The following PSD3 variants were observed in gnomAD, a reference collection of about 807,000 sequenced individuals.
PSD3 encodes the protein PH and SEC7 domain-containing protein 3.
In PSD3, 49 loss-of-function variants were observed where a neutral mutation model predicts 105.5. That is an observed-to-expected ratio of 0.46 (90% CI 0.37 to 0.59). The LOEUF (loss-of-function observed/expected upper bound fraction) is 0.59, where lower values mean the gene tolerates loss of function less well. Ranked by LOEUF, PSD3 falls within the 20% of genes least tolerant of loss-of-function variation. The pLI is 0.00. For synonymous variants in PSD3, 557 were observed against 457.8 expected (o/e 1.22, Z -2.77); for missense variants, 1,561 against 1,263.8 (o/e 1.24, Z -3.57).
intron 8 of PSD3, among the ~76,000 whole-genome samples, chr8:18,785,115 T>C (rs1809014449): frequency 6.6e-6 from 1 of 152,150 alleles, no homozygotes; most frequent in African/African-American, 2.4e-5. Flanking sequence ...GTGTCAGAAC[T>C]GCTGTCACTC....
chr8:18,628,650 A>G (rs1201532851), intron 11 of PSD3, among the ~76,000 whole-genome samples: 1 of 152,002 alleles, frequency 6.6e-6, no homozygotes, highest in African/African-American at 2.4e-5. Context: ...AGAACATAGA[A>G]TTAAAATATA....
At position 18,786,070 on chromosome 8, in the gene PSD3, A is replaced by T. The variant is rs549765858; in HGVS notation, c.2082+13225T>A. On this transcript the variant is annotated intron_variant, in intron 8 of 15. Coordinates refer to ENST00000327040, the MANE Select transcript of PSD3 (RefSeq NM_015310.4). ...ACGCCTATACTTAAACTTACAATAA[A>T]AAGTTTCCCTGTGGTCCCAGCTGCT... Among the ~76,000 whole-genome samples the T allele has an allele frequency of 8.9e-4, 136 of 152,216 alleles. 1 individual carries two copies. Among genetic ancestry groups the T allele is most frequent in the African/African-American group, 3.1e-3 (127 of 41,536 alleles).
At chr8:18,908,378 C>T (rs958346325) in intron 2 of PSD3, among the ~76,000 whole-genome samples, 2 of 152,166 alleles carry the variant, frequency 1.3e-5, no homozygotes, top group Non-Finnish European at 2.9e-5. Context: ...AATCTACTAT[C>T]CTCCACAACA....
At chr8:18,809,102 C>A (rs1284538546) in intron 4 of PSD3, among the ~76,000 whole-genome samples, 1 of 152,184 alleles carries the variant, frequency 6.6e-6, no homozygotes, top group Non-Finnish European at 1.5e-5. Flanking sequence ...GGGGATAACA[C>A]CCCATTTTGT....
chr8:18,838,341 C>T (rs1814307596), intron 4 of PSD3, among the ~76,000 whole-genome samples: 1 of 152,146 alleles, frequency 6.6e-6, no homozygotes, highest in Non-Finnish European at 1.5e-5. Flanking sequence ...AAACGGGTTT[C>T]CATGAAAGGA....
intron 9 of PSD3, among the ~76,000 whole-genome samples, chr8:18,748,427 A>C (rs1805198779): frequency 6.6e-6 from 1 of 152,070 alleles, no homozygotes; most frequent in Non-Finnish European, 1.5e-5. Context: ...TTGAGAGGCC[A>C]AGGCGGGCGG....
rs935414696 is a variant in PSD3, at chr8:18,767,488, C to T, written c.2083-1950G>A. 6.6e-5 allele frequency among the ~76,000 whole-genome samples: 10 copies of T among 152,206 alleles called. No homozygotes were observed. The East Asian group carries it at 1.9e-3, about 29-fold the overall frequency. ...TGTGACCGGGCACGGTGGCTCAAGC[C>T]TGTAATCCCAGCACTTTCGGAGGCC... On this transcript the variant is annotated intron_variant, in intron 8 of 15. Transcript: ENST00000327040.
intron 11 of PSD3, among the ~76,000 whole-genome samples, chr8:18,630,391 CT>C (rs1806809714): frequency 6.6e-6 from 1 of 151,930 alleles, no homozygotes; most frequent in Admixed American, 6.6e-5. Flanking sequence ...GGGAGAAGAG[CT>C]TCTACCCGGA....
intron 4 of PSD3, among the ~76,000 whole-genome samples, chr8:18,859,856 T>C (rs1116017): frequency 0.16 from 24,133 of 152,176 alleles, 2,244 homozygotes; most frequent in East Asian, 0.3. Context: ...CATTAAAACT[T>C]TCTCTATATC....
chr8:19,035,991 G>C (rs982846834), intron 1 of PSD3, among the ~76,000 whole-genome samples: 20 of 152,132 alleles, frequency 1.3e-4, no homozygotes, highest in Admixed American at 2.6e-4. Context: ...CTGGACTCAA[G>C]TGATCTGCAT....
chr8:18,917,538 A>G (rs917868398), intron 2 of PSD3, among the ~76,000 whole-genome samples: 5 of 152,154 alleles, frequency 3.3e-5, no homozygotes, highest in Non-Finnish European at 7.3e-5. Context: ...GTCCTCAAAT[A>G]ACACTGTTTT....
At chr8:18,787,234 G>A (rs1238469284) in intron 8 of PSD3, among the ~76,000 whole-genome samples, 1 of 152,128 alleles carries the variant, frequency 6.6e-6, no homozygotes, top group African/African-American at 2.4e-5. Context: ...TGAAACAAAT[G>A]TTGACCAGTT....
intron 2 of PSD3, among the ~76,000 whole-genome samples, chr8:18,895,056 C>T (rs1014337996): frequency 6.6e-6 from 1 of 152,200 alleles, no homozygotes; most frequent in Non-Finnish European, 1.5e-5. Flanking sequence ...CTTTGAAAGA[C>T]ACCAACGGAA....
chr8:18,602,065 T>C (rs1401124906), intron 11 of PSD3, among the ~76,000 whole-genome samples: 2 of 152,186 alleles, frequency 1.3e-5, no homozygotes, highest in Non-Finnish European at 2.9e-5. Flanking sequence ...AGGCAAAGCA[T>C]TGGCTAATGC....
intron 11 of PSD3, among the ~76,000 whole-genome samples, chr8:18,627,322 C>A (rs71510613): frequency 1.3e-5 from 2 of 151,680 alleles, no homozygotes; most frequent in African/African-American, 2.4e-5. Flanking sequence ...TGTAGAGCTG[C>A]GTAAAACAGA....
intron 9 of PSD3, among the ~76,000 whole-genome samples, chr8:18,738,121 A>T (rs1452696276): frequency 6.6e-6 from 1 of 152,210 alleles, no homozygotes; most frequent in Non-Finnish European, 1.5e-5. Context: ...AAGAAGAGCA[A>T]GCCCAGAACT....
intron 15 of PSD3, among the ~76,000 whole-genome samples, chr8:18,547,490 G>C (rs1800517189): frequency 6.6e-6 from 1 of 152,130 alleles, no homozygotes; most frequent in Non-Finnish European, 1.5e-5. Context: ...GCTAATCTCA[G>C]CAGGGAACAT....
At chr8:18,986,424 T>C (rs1271630371) in intron 1 of PSD3, among the ~76,000 whole-genome samples, 1 of 152,098 alleles carries the variant, frequency 6.6e-6, no homozygotes, top group Non-Finnish European at 1.5e-5. Context: ...GCAAGGTTGG[T>C]ATTATTACCC....
At chr8:18,736,365 T>C (rs765054419) in intron 9 of PSD3, among the ~76,000 whole-genome samples, 1 of 152,206 alleles carries the variant, frequency 6.6e-6, no homozygotes, top group Non-Finnish European at 1.5e-5. Context: ...TGTGTTAATA[T>C]ATTTAAACAC....
Sources: allele counts gnomAD v4.1 joint callset (sites outside exome capture counted in the v4.1 genomes callset), GRCh38; gene constraint gnomAD v4.1.1; transcripts MANE v1.5; gene names NCBI Gene and HGNC (gene_info 2026-07-23, HGNC 2026-07-21).